The following PDE1C variants were observed in gnomAD, a reference collection of about 807,000 sequenced individuals.
The protein encoded by PDE1C is phosphodiesterase 1C, also known as dual specificity calcium/calmodulin-dependent 3',5'-cyclic nucleotide phosphodiesterase 1C.
A neutral mutation model predicts 93.1 loss-of-function variants in PDE1C; 62 were observed. The ratio of observed to expected loss-of-function variants is 0.67; its 90% CI spans 0.54 to 0.82. PDE1C has a LOEUF of 0.82. Ranked by LOEUF, PDE1C falls within the 40% of genes least tolerant of loss-of-function variation. The pLI, the probability that PDE1C is intolerant of heterozygous loss-of-function variation, is 0.00. For synonymous variants in PDE1C, 325 were observed against 310.1 expected (o/e 1.05, Z -0.50); for missense variants, 742 against 884.6 (o/e 0.84, Z 2.04).
intron 2 of PDE1C, among the ~76,000 whole-genome samples, chr7:31,967,301 A>G (rs1020081575): frequency 6.6e-6 from 1 of 152,262 alleles, no homozygotes; most frequent in African/African-American, 2.4e-5. Context: ...CCACAGAAAT[A>G]CAAACTACTA....
At chr7:32,005,669 T>C (rs769457206) in intron 2 of PDE1C, among the ~76,000 whole-genome samples, 1 of 150,754 alleles carries the variant, frequency 6.6e-6, no homozygotes, top group African/African-American at 2.4e-5. Flanking sequence ...TATATTAGTA[T>C]AAAAGAAGGG....
chr7:32,001,959 T>C (rs1785523809), intron 2 of PDE1C, among the ~76,000 whole-genome samples: 1 of 152,166 alleles, frequency 6.6e-6, no homozygotes, highest in South Asian at 2.1e-4. Context: ...CTCAGGAAGC[T>C]GAGGCAGGAG....
intron 2 of PDE1C, among the ~76,000 whole-genome samples, chr7:31,912,611 AGG>A (rs1419955755): frequency 2.0e-5 from 3 of 152,116 alleles, no homozygotes; most frequent in Non-Finnish European, 4.4e-5. Context: ...CACCTGAGCC[AGG>A]GAGGTTGACG....
chr7:31,850,908 T>G, intron 7 of PDE1C, 167 bp from the exon 8 acceptor site: 1 of 597,038 alleles, frequency 1.7e-6, no homozygotes. Flanking sequence ...TGAAGAGACT[T>G]GGAGACTTGT....
chr7:31,742,626 TCCA>T, the PDE1C span, among the ~76,000 whole-genome samples: 1 of 152,190 alleles, frequency 6.6e-6, no homozygotes. Context: ...ATCTTTGCGT[TCCA>T]CATTCTCAAA....
chr7:31,950,105 T>C (rs1807164243), intron 2 of PDE1C, among the ~76,000 whole-genome samples: 1 of 152,228 alleles, frequency 6.6e-6, no homozygotes. Flanking sequence ...TTTCTCTTGC[T>C]TTATTTTGGT....
At chr7:31,856,682 C>CTTTT (rs35316004) in intron 7 of PDE1C, among the ~76,000 whole-genome samples, 1 of 121,048 alleles carries the variant, frequency 8.3e-6, no homozygotes, top group Non-Finnish European at 1.8e-5. Flanking sequence ...ATATAAGAGG[C>CTTTT]TTTTTTTTTT....
At chr7:31,933,436 T>C (rs1215467936) in intron 2 of PDE1C, among the ~76,000 whole-genome samples, 1 of 152,240 alleles carries the variant, frequency 6.6e-6, no homozygotes, top group Non-Finnish European at 1.5e-5. Context: ...GAGGAGCCTT[T>C]TGTTTTTCAA....
chr7:31,652,371 T>C, the PDE1C span: 4 of 1,269,698 alleles, frequency 3.2e-6, no homozygotes, highest in Non-Finnish European at 3.2e-6. Context: ...CAATATAAGC[T>C]AAGTCACTAT....
chr7:31,827,705 TTAGA>T (rs968176073), intron 12 of PDE1C, among the ~76,000 whole-genome samples: 14 of 152,130 alleles, frequency 9.2e-5, no homozygotes, highest in Non-Finnish European at 1.5e-4. Context: ...AACATTTAAC[TTAGA>T]TAGGGCACTG....
intron 2 of PDE1C, among the ~76,000 whole-genome samples, chr7:32,207,258 C>T (rs112156151): frequency 0.032 from 4,925 of 152,018 alleles, 270 homozygotes; most frequent in African/African-American, 0.11. Context: ...CGCCAATCCC[C>T]GTCGTGCCTG....
chr7:32,375,246 G>A (rs1482179919), intron 1 of PDE1C, among the ~76,000 whole-genome samples: 2 of 152,134 alleles, frequency 1.3e-5, no homozygotes, highest in African/African-American at 2.4e-5. Flanking sequence ...GCCTCAAGTG[G>A]CCTCAAGCTC....
chr7:32,123,851 G>T (rs1014472578), intron 3 of PDE1C, among the ~76,000 whole-genome samples: 1 of 152,134 alleles, frequency 6.6e-6, no homozygotes, highest in Non-Finnish European at 1.5e-5. Context: ...GGAAGTTCTG[G>T]CCAGGGCAAT....
At chr7:31,622,785 C>T in the PDE1C span, among the ~76,000 whole-genome samples, 1 of 151,920 alleles carries the variant, frequency 6.6e-6, no homozygotes, top group South Asian at 2.1e-4. Context: ...AATAGAGACA[C>T]AAAAAACCCT....
At chr7:32,277,602 T>C (rs764901352) in intron 1 of PDE1C, among the ~76,000 whole-genome samples, 11 of 152,180 alleles carry the variant, frequency 7.2e-5, no homozygotes, top group Non-Finnish European at 1.6e-4. Flanking sequence ...CACCAGCAGC[T>C]GAGACTTCAG....
At chr7:31,958,379 A>C (rs1186591774) in intron 2 of PDE1C, among the ~76,000 whole-genome samples, 1 of 152,236 alleles carries the variant, frequency 6.6e-6, no homozygotes, top group African/African-American at 2.4e-5. Context: ...ATTCCTAAGC[A>C]ACTCTCTGTA....
At chr7:32,329,700 G>C (rs6462357) in intron 1 of PDE1C, among the ~76,000 whole-genome samples, 4,722 of 152,310 alleles carry the variant, frequency 0.031, 137 homozygotes, top group African/African-American at 0.076. Flanking sequence ...CAGGAAAAAT[G>C]AGCATATCCT....
intron 1 of PDE1C, among the ~76,000 whole-genome samples, chr7:32,366,623 C>T (rs1357305401): frequency 6.6e-6 from 1 of 152,060 alleles, no homozygotes; most frequent in Non-Finnish European, 1.5e-5. Flanking sequence ...TGATATGGTG[C>T]TCCAATTGTC....
At chr7:31,631,494 T>C in the PDE1C span, among the ~76,000 whole-genome samples, 3 of 152,262 alleles carry the variant, frequency 2.0e-5, no homozygotes, top group African/African-American at 4.8e-5. Flanking sequence ...TTTTTATTTA[T>C]GATTTTTTAT....
Sources: allele counts gnomAD v4.1 joint callset (sites outside exome capture counted in the v4.1 genomes callset), GRCh38; gene constraint gnomAD v4.1.1; transcripts MANE v1.5; gene names NCBI Gene and HGNC (gene_info 2026-07-23, HGNC 2026-07-21).